The following MYO9B variants were observed in gnomAD, a reference collection of about 807,000 sequenced individuals.
The protein encoded by MYO9B is myosin IXB.
MYO9B carries 71 observed loss-of-function variants against 229.5 expected under a neutral mutation model. That is an observed-to-expected ratio of 0.31 (90% confidence interval 0.26 to 0.38). The LOEUF (loss-of-function observed/expected upper bound fraction) is 0.38, where lower values mean the gene tolerates loss of function less well. Among genes scored for constraint, MYO9B ranks in the 10% least tolerant of loss-of-function variants. MYO9B has a pLI of 1.00. For synonymous variants in MYO9B, 1,185 were observed against 1,235.8 expected (o/e 0.96, Z 0.86); for missense variants, 2,255 against 2,920.5 (o/e 0.77, Z 5.25).
chr19:17,192,778 G>A lies in MYO9B; in HGVS notation c.2844G>A (p.Leu948=), dbSNP rs1487700778. 8.3e-6 allele frequency: 13 copies of A among 1,557,772 alleles called. No individual in the cohort carries two copies. Among genetic ancestry groups the A allele is most frequent in the African/African-American group, 1.4e-5 (1 of 73,356 alleles). ...VFLKETERQA[L]QETLHREVVR... Reference sequence around the variant, plus strand: ...TGAAGGAGACGGAGCGGCAAGCCCTGCAGGAGACGCTGCACCGGGAGGTGG... The same window carrying A: ...TGAAGGAGACGGAGCGGCAAGCCCTACAGGAGACGCTGCACCGGGAGGTGG... The change falls in exon 21 of 40, where the codon CTG becomes CTA. Residue 948 remains leucine (L), a synonymous_variant. Coordinates refer to ENST00000682292, the MANE Select transcript of MYO9B (RefSeq NM_004145.4).
In MYO9B at chr19:17,167,925, C is replaced by T. The variant is rs898416732; in HGVS notation, c.1672-18C>T. ...TCTGGGAGATAAGAAACTTACCGAC[C>T]CCGCGCCACCCCTGCAGGAGGAATA... On this transcript the variant is annotated intron_variant, in intron 10 of 39. Coordinates refer to ENST00000682292, the MANE Select transcript of MYO9B (RefSeq NM_004145.4). 3 of 1,554,612 alleles carry T rather than the reference C, an allele frequency of 1.9e-6. No individual in the cohort carries two copies. The highest frequency in any genetic ancestry group is 2.6e-6 in the Non-Finnish European group (3 of 1,148,788).
chr19:17,119,186 T>C (rs562993463), intron 2 of MYO9B, among the ~76,000 whole-genome samples: 1 of 152,216 alleles, frequency 6.6e-6, no homozygotes, highest in South Asian at 2.1e-4. Context: ...TGCTGTGCCC[T>C]CAATCTGGAA....
At position 17,145,350 on chromosome 19, in the gene MYO9B, G is replaced by T. The variant is rs771238779; in HGVS notation, c.841-47G>T. Reference sequence around the variant, plus strand: ...AAAATGAGAGGAAAAAAAAGAAAAAGAAATTCCACCCTCCTGATCTGAAAC... The same window carrying T: ...AAAATGAGAGGAAAAAAAAGAAAAATAAATTCCACCCTCCTGATCTGAAAC... On this transcript the variant is annotated intron_variant, in intron 2 of 39. Transcript: ENST00000682292. The T allele has an allele frequency of 2.9e-5, 44 of 1,518,926 alleles. 1 individual carries two copies. The South Asian group carries it at 4.8e-4, about 16-fold the overall frequency. 94.1% of individuals were successfully genotyped at this position (1,518,926 alleles called of 1,614,324 possible).
chr19:17,147,057 G>A (rs548660417), intron 3 of MYO9B, among the ~76,000 whole-genome samples: 4 of 152,322 alleles, frequency 2.6e-5, no homozygotes, highest in Non-Finnish European at 5.9e-5. Flanking sequence ...ACAAATGTCA[G>A]GGGCTGCTCT....
At chr19:17,174,945 T>TA (rs1286196939) in intron 13 of MYO9B, among the ~76,000 whole-genome samples, 1 of 134,752 alleles carries the variant, frequency 7.4e-6, no homozygotes, top group East Asian at 2.0e-4. Flanking sequence ...AAAAAATAAA[T>TA]AAATAAATAA....
At chr19:17,103,680 A>G (rs2057766862) in intron 2 of MYO9B, 1 of 152,084 alleles carries the variant, frequency 6.6e-6, no homozygotes, top group Admixed American at 6.6e-5. Flanking sequence ...ATCTCTAGGA[A>G]CTGGCTAGAA....
chr19:17,129,418 A>G (rs2072166900), intron 2 of MYO9B, among the ~76,000 whole-genome samples: 3 of 152,186 alleles, frequency 2.0e-5, no homozygotes, highest in Non-Finnish European at 4.4e-5. Flanking sequence ...CAACAACAAC[A>G]ACAAAAAGAA....
At chr19:17,102,598 G>A (rs1406352011) in intron 2 of MYO9B, 41 bp downstream of exon 2, 1 of 1,502,446 alleles carries the variant, frequency 6.7e-7, no homozygotes, top group African/African-American at 1.4e-5. Context: ...GGGGGCATTT[G>A]TTTGGAAAAT....
intron 17 of MYO9B, among the ~76,000 whole-genome samples, chr19:17,185,564 AC>A (rs2072909982): frequency 6.6e-6 from 1 of 150,766 alleles, no homozygotes; most frequent in African/African-American, 2.5e-5. Flanking sequence ...AAAAAACAAA[AC>A]AAAACAAAAA....
chr19:17,198,790 GGCTTTT>G (rs2073075515), intron 24 of MYO9B, among the ~76,000 whole-genome samples: 1 of 150,184 alleles, frequency 6.7e-6, no homozygotes, highest in Non-Finnish European at 1.5e-5. Flanking sequence ...TGCCTCTTCT[GGCTTTT>G]GGGGGCTCCA....
Position 17,153,968 on chromosome 19 carries a change from A to G in MYO9B, c.1000A>G (p.Asn334Asp), listed in dbSNP as rs772233259. The G allele has an allele frequency of 6.2e-7, 1 of 1,613,364 alleles. No homozygotes were observed. The highest frequency in any genetic ancestry group is 8.5e-7 in the Non-Finnish European group (1 of 1,179,350). ...RLVSQEKDER[N>D]YHVFYYLLLG... Reference sequence around the variant, plus strand: ...TTTCCTCCCAATTTTGACCTGTAGGAACTACCATGTGTTTTATTATTTGTT... The same window carrying G: ...TTTCCTCCCAATTTTGACCTGTAGGGACTACCATGTGTTTTATTATTTGTT... Residue 334 changes from asparagine (N) to aspartate (D), a missense_variant and splice_region_variant, in exon 5 of 40, where the codon AAC becomes GAC. Physicochemically the swap from Asn to Asp is conservative, Grantham distance 23 (BLOSUM62 1). This residue lies in a region of MYO9B where 386 missense variants were observed against 515.2 expected (regional missense o/e 0.75). Transcript: ENST00000682292.
At chr19:17,097,373 C>G (rs1256630015) in intron 1 of MYO9B, among the ~76,000 whole-genome samples, 1 of 150,404 alleles carries the variant, frequency 6.6e-6, no homozygotes, top group Non-Finnish European at 1.5e-5. Flanking sequence ...CAAGCTGTAT[C>G]TTAGATAGTA....
chr19:17,108,598 G>A (rs564008563), intron 2 of MYO9B, among the ~76,000 whole-genome samples: 28 of 152,280 alleles, frequency 1.8e-4, no homozygotes, highest in Non-Finnish European at 2.4e-4. Context: ...CACCCCCTGG[G>A]AATAGAACAG....
rs2057476110 is a variant in MYO9B at position 17,075,834 on chromosome 19, G to C, written c.-99G>C. The C allele has an allele frequency of 6.6e-6, 1 of 150,564 alleles. No homozygotes were observed. The highest frequency in any genetic ancestry group is 1.8e-4 in the South Asian group (1 of 5,602). The allele number at this position is 150,564 out of a possible 1,614,324, so 9.3% of individuals were successfully genotyped here. A position where few individuals can be genotyped will look rare whatever the true frequency, so the allele number is the denominator to read the frequency against. On this transcript the variant is annotated 5_prime_UTR_variant, in exon 1 of 40. Coordinates refer to ENST00000682292, the MANE Select transcript of MYO9B (RefSeq NM_004145.4). ...GCTGGCAGGCGGTCGTCCGGCCGGG[G>C]ACCCGGCCCGGGACCGGCGGCGCGC...
At position 17,154,301 on chromosome 19, in the gene MYO9B, C is replaced by T. The variant is rs760202297; in HGVS notation, c.1099-14C>T. On this transcript the variant is annotated splice_polypyrimidine_tract_variant and intron_variant, in intron 5 of 39. Transcript: ENST00000682292. ...CCCAGGAATGCCCAGAGTACCCATGCCTTTGTTTTCCAGCATAACTTGAAG... is the reference window on the plus strand; with the variant it reads ...CCCAGGAATGCCCAGAGTACCCATGTCTTTGTTTTCCAGCATAACTTGAAG... 2 of 1,608,588 alleles carry T rather than the reference C, an allele frequency of 1.2e-6. No individual in the cohort carries two copies. Among genetic ancestry groups the T allele is most frequent in the Admixed American group, 1.7e-5 (1 of 59,546 alleles).
chr19:17,078,979 T>G (rs972697179), intron 1 of MYO9B, among the ~76,000 whole-genome samples: 6 of 152,190 alleles, frequency 3.9e-5, no homozygotes, highest in Non-Finnish European at 5.9e-5. Context: ...CTCACCCGCA[T>G]CACCATTGAC....
intron 2 of MYO9B, 128 bp downstream of exon 2, chr19:17,102,685 G>A (rs1415890008): frequency 7.6e-7 from 1 of 1,312,604 alleles, no homozygotes. Flanking sequence ...AGGATTGCTT[G>A]AGCCCAGGAG....
chr19:17,107,159 C>T (rs1036907418), intron 2 of MYO9B, among the ~76,000 whole-genome samples: 5 of 151,942 alleles, frequency 3.3e-5, no homozygotes, highest in Admixed American at 6.6e-5. Flanking sequence ...TGCTTGAGCC[C>T]AGAAGTTCAA....
intron 33 of MYO9B, 54 bp downstream of exon 33, chr19:17,206,430 G>A (rs771696892): frequency 1.6e-5 from 26 of 1,588,844 alleles, no homozygotes; most frequent in African/African-American, 6.7e-5. Context: ...AGGATACAGC[G>A]TTCGCTGTGA....
Sources: gnomAD v4.1 joint callset for allele counts (sites outside exome capture counted in the v4.1 genomes callset) on GRCh38, gnomAD v4.1.1 for gene constraint, gnomAD v4.1.1 regional missense constraint, MANE v1.5 for transcripts, NCBI Gene and HGNC (gene_info 2026-07-23, HGNC 2026-07-21) for gene names.